The following SH3KBP1 variants were observed in gnomAD, a reference collection of about 807,000 sequenced individuals.
The protein encoded by SH3KBP1 is SH3 domain containing kinase binding protein 1, also known as SH3 domain-containing kinase-binding protein 1.
A neutral mutation model predicts 50.1 loss-of-function variants in SH3KBP1; 8 were observed. That is an observed-to-expected ratio of 0.16 (90% CI 0.09 to 0.29). The LOEUF (loss-of-function observed/expected upper bound fraction) is 0.29, where lower values mean the gene tolerates loss of function less well. Among genes scored for constraint, SH3KBP1 ranks in the 10% least tolerant of loss-of-function variants. The pLI is 1.00. For synonymous variants in SH3KBP1, 227 were observed against 218.6 expected (o/e 1.04, Z -0.34); for missense variants, 377 against 535.2 (o/e 0.70, Z 2.92).
intron 2 of SH3KBP1, among the ~76,000 whole-genome samples, chrX:19,758,185 A>G (rs1245394901): frequency 9.1e-6 from 1 of 109,764 alleles, no homozygotes; most frequent in African/African-American, 3.3e-5. Context: ...AAAAGTAGCC[A>G]GGTGTGGTGG....
At chrX:19,843,079 C>T (rs781183265) in intron 1 of SH3KBP1, among the ~76,000 whole-genome samples, 16 of 85,705 alleles carry the variant, frequency 1.9e-4, no homozygotes. Context: ...AGTGCAATGG[C>T]GTGATCTCGG....
chrX:19,719,397 A>G (rs929424814), intron 3 of SH3KBP1, among the ~76,000 whole-genome samples: 1 of 111,509 alleles, frequency 9.0e-6, no homozygotes, highest in Admixed American at 9.5e-5. Flanking sequence ...ACTGTCTTAA[A>G]TTTGGGCAAT....
intron 1 of SH3KBP1, among the ~76,000 whole-genome samples, chrX:19,859,959 C>T: frequency 9.0e-6 from 1 of 111,479 alleles, no homozygotes; most frequent in Non-Finnish European, 1.9e-5. Context: ...TCTCCAAGTT[C>T]CTTTTAAAAT....
chrX:19,587,418 A>C (rs917973975), intron 12 of SH3KBP1, among the ~76,000 whole-genome samples: 1 of 110,747 alleles, frequency 9.0e-6, no homozygotes, highest in African/African-American at 3.3e-5. Context: ...ATGGTTGTAC[A>C]ACAATGTGAA....
rs758486199 is a variant in SH3KBP1, at chrX:19,856,951, C to CTTTTTTTTTTTTTT, written c.5-20683_5-20670dup. ...CTTTTCCCCTAGAGCTAATACTAGT[C>CTTTTTTTTTTTTTT]TTTTTTTTTTTTTTTTTTTTTTTTT... On this transcript the variant is annotated intron_variant, in intron 1 of 17. Transcript: ENST00000397821. Among the ~76,000 whole-genome samples, 30 of 20,047 alleles carry CTTTTTTTTTTTTTT rather than the reference C, an allele frequency of 1.5e-3. 12 individuals carry two copies. The highest frequency in any genetic ancestry group is 2.2e-3 in the Admixed American group (2 of 910). 17.4% of individuals were successfully genotyped at this position (20,047 alleles called of 115,157 possible). A position where few individuals can be genotyped will look rare whatever the true frequency, so the allele number is the denominator to read the frequency against.
At chrX:19,832,959 A>T (rs2067944975) in intron 2 of SH3KBP1, among the ~76,000 whole-genome samples, 1 of 112,402 alleles carries the variant, frequency 8.9e-6, no homozygotes, top group Non-Finnish European at 1.9e-5. Flanking sequence ...GCTATGAGCA[A>T]ATTCCATAGG....
At chrX:19,613,694 C>T (rs1014827187) in intron 8 of SH3KBP1, among the ~76,000 whole-genome samples, 2 of 112,293 alleles carry the variant, frequency 1.8e-5, no homozygotes, top group Non-Finnish European at 3.8e-5. Flanking sequence ...CCAGCCTCTG[C>T]GTTCTGCTAC....
intron 2 of SH3KBP1, among the ~76,000 whole-genome samples, chrX:19,757,611 AACT>A (rs2148849330): frequency 9.1e-6 from 1 of 109,419 alleles, no homozygotes; most frequent in South Asian, 4.0e-4. Context: ...AGACATGAAT[AACT>A]ATTTTTCCCT....
At chrX:19,653,394 C>A (rs186035263) in intron 6 of SH3KBP1, among the ~76,000 whole-genome samples, 69 of 111,464 alleles carry the variant, frequency 6.2e-4, no homozygotes, top group African/African-American at 2.2e-3. Flanking sequence ...TCTTACACAC[C>A]CCTACACCAA....
intron 6 of SH3KBP1, among the ~76,000 whole-genome samples, chrX:19,649,424 G>T (rs1197543746): frequency 1.8e-5 from 2 of 111,256 alleles, no homozygotes; most frequent in African/African-American, 6.5e-5. Flanking sequence ...AGATCTGCTT[G>T]GTCTGGGAAA....
chrX:19,608,007 G>T lies in SH3KBP1; in HGVS notation c.936C>A (p.Asn312Lys). 2 of 1,211,099 alleles carry T rather than the reference G, an allele frequency of 1.7e-6. No individual in the cohort carries two copies. Among genetic ancestry groups the T allele is most frequent in the Non-Finnish European group, 1.1e-6 (1 of 895,033 alleles). The change falls in exon 9 of 18, where the codon AAC (asparagine) becomes AAA (lysine). Residue 312 changes from asparagine (N) to lysine (K), a missense_variant. Coordinates refer to ENST00000397821, the MANE Select transcript of SH3KBP1 (RefSeq NM_031892.3). Reference protein sequence around the residue: ...IDVGWWEGELNGRRGVFPDNF... With the variant: ...IDVGWWEGELKGRRGVFPDNF... The stretch of plus-strand genomic sequence containing the variant: ...TATCGGGGAACACGCCTCGTCTGCC[G>T]TTCAGCTCTCCTTCCCACCAGCCTA...
intron 13 of SH3KBP1, among the ~76,000 whole-genome samples, 177 bp downstream of exon 13, chrX:19,568,926 T>C (rs1208270034): frequency 8.9e-6 from 1 of 112,749 alleles, no homozygotes; most frequent in Admixed American, 9.4e-5. Flanking sequence ...TGTTTTAATG[T>C]GGAAAGCACC....
intron 2 of SH3KBP1, among the ~76,000 whole-genome samples, chrX:19,827,890 AAAAC>A (rs373645610): frequency 0.29 from 28,829 of 101,089 alleles, 6,177 homozygotes; most frequent in African/African-American, 0.7. Flanking sequence ...GTTAAACAAA[AAAAC>A]AAACAAACAA....
intron 13 of SH3KBP1, among the ~76,000 whole-genome samples, chrX:19,551,551 T>C (rs1194886514): frequency 1.2e-5 from 1 of 81,790 alleles, no homozygotes; most frequent in Admixed American, 1.3e-4. Flanking sequence ...TCCCTCCCTC[T>C]TTTTTTTTTT....
intron 2 of SH3KBP1, 67 bp downstream of exon 2, chrX:19,836,058 G>T (rs1029031192): frequency 2.0e-6 from 2 of 1,021,250 alleles, no homozygotes; most frequent in African/African-American, 1.9e-5. Flanking sequence ...ATCCTCAAGC[G>T]CCCCCATAGA....
At chrX:19,791,864 C>T (rs1460152917) in intron 2 of SH3KBP1, among the ~76,000 whole-genome samples, 1 of 111,526 alleles carries the variant, frequency 9.0e-6, no homozygotes, top group African/African-American at 3.3e-5. Flanking sequence ...CTTTCCACAC[C>T]CCATTCTGCA....
intron 5 of SH3KBP1, among the ~76,000 whole-genome samples, chrX:19,686,302 T>C (rs1262440421): frequency 8.9e-6 from 1 of 111,957 alleles, no homozygotes; most frequent in Admixed American, 9.5e-5. Flanking sequence ...TTCATGTTCA[T>C]TTAGTGATAT....
chrX:19,641,638 T>C (rs764346817), intron 7 of SH3KBP1, among the ~76,000 whole-genome samples: 32 of 112,199 alleles, frequency 2.9e-4, no homozygotes, highest in Non-Finnish European at 5.3e-4. Context: ...AATCTAAGCA[T>C]ACTTTTTAAG....
intron 2 of SH3KBP1, among the ~76,000 whole-genome samples, chrX:19,762,697 G>A (rs1017035589): frequency 1.3e-4 from 15 of 112,048 alleles, no homozygotes; most frequent in Admixed American, 1.0e-3. Context: ...CAATTCCCCT[G>A]TCTTGATAAA....
Sources: gnomAD v4.1 joint callset for allele counts (sites outside exome capture counted in the v4.1 genomes callset) on GRCh38, gnomAD v4.1.1 for gene constraint, MANE v1.5 for transcripts, NCBI Gene and HGNC (gene_info 2026-07-23, HGNC 2026-07-21) for gene names.